CNTNAP2: variants seen among roughly 807,000 people sequenced by gnomAD.
CNTNAP2 encodes the protein contactin-associated protein-like 2.
A neutral mutation model predicts 155.2 loss-of-function variants in CNTNAP2; 98 were observed. The observed-to-expected ratio is 0.63, with a 90% CI of 0.54 to 0.75. The LOEUF is 0.75. Ranked by LOEUF, CNTNAP2 falls within the 30% of genes least tolerant of loss-of-function variation. CNTNAP2 has a pLI of 0.00. For missense variants in CNTNAP2, 1,727 were observed against 1,688.1 expected (o/e 1.02, Z -0.40); for synonymous variants, 651 against 631.2 (o/e 1.03, Z -0.47).
chr7:147,773,814 T>C (rs999911191), intron 13 of CNTNAP2, among the ~76,000 whole-genome samples: 1 of 152,156 alleles, frequency 6.6e-6, no homozygotes, highest in African/African-American at 2.4e-5. Context: ...TCCTAATAGC[T>C]TCCCATTACA....
chr7:147,735,276 T>C (rs1355175478), intron 13 of CNTNAP2, among the ~76,000 whole-genome samples: 1 of 152,252 alleles, frequency 6.6e-6, no homozygotes, highest in Admixed American at 6.5e-5. Context: ...CATTTTATTA[T>C]GTACTTAGTA....
chr7:146,290,085 T>C (rs1800404909), intron 1 of CNTNAP2, among the ~76,000 whole-genome samples: 1 of 152,200 alleles, frequency 6.6e-6, no homozygotes, highest in East Asian at 1.9e-4. Context: ...ATTACATATG[T>C]AACCTAGGTT....
chr7:148,364,929 C>T (rs189593215), intron 21 of CNTNAP2, among the ~76,000 whole-genome samples: 2 of 152,334 alleles, frequency 1.3e-5, no homozygotes, highest in Non-Finnish European at 1.5e-5. Context: ...CCGCGAAGGT[C>T]TGCAGCTTCA....
intron 3 of CNTNAP2, among the ~76,000 whole-genome samples, chr7:147,010,473 A>C (rs1798604037): frequency 6.6e-6 from 1 of 152,110 alleles, no homozygotes. Flanking sequence ...TATGAATCTA[A>C]AATATCTATT....
At chr7:146,629,065 A>G (rs347217) in intron 1 of CNTNAP2, among the ~76,000 whole-genome samples, 100,397 of 151,994 alleles carry the variant, frequency 0.66, 34,832 homozygotes, top group African/African-American at 0.84. Flanking sequence ...TTTAGGTCAC[A>G]ATACATGCTT....
intron 15 of CNTNAP2, among the ~76,000 whole-genome samples, chr7:148,107,533 A>G (rs1318589994): frequency 6.6e-6 from 1 of 152,226 alleles, no homozygotes; most frequent in Admixed American, 6.5e-5. Flanking sequence ...CTTCATTCTA[A>G]GTGAAGCTTG....
At position 147,057,010 on chromosome 7, in the gene CNTNAP2, C is replaced by T. The variant is rs957292918; in HGVS notation, c.550+12956C>T. Among the ~76,000 whole-genome samples the T allele has an allele frequency of 4.0e-5, 6 of 151,816 alleles. No individual in the cohort carries two copies. The South Asian group carries it at 8.3e-4, about 21-fold the overall frequency. On this transcript the variant is annotated intron_variant, in intron 4 of 23. Coordinates refer to ENST00000361727, the MANE Select transcript of CNTNAP2 (RefSeq NM_014141.6). Reference sequence around the variant, plus strand: ...TTTGTTTGTTTGTTTGTTTTCCCCACGTTGGTTTTAGACTCCTGGGCTTAA... The same window carrying T: ...TTTGTTTGTTTGTTTGTTTTCCCCATGTTGGTTTTAGACTCCTGGGCTTAA...
intron 13 of CNTNAP2, among the ~76,000 whole-genome samples, chr7:147,834,146 G>A (rs1004890096): frequency 2.0e-5 from 3 of 152,126 alleles, no homozygotes; most frequent in African/African-American, 7.2e-5. Flanking sequence ...CCTGTAACAG[G>A]GAACAATACA....
chr7:148,363,653 C>T lies in CNTNAP2; in HGVS notation c.3476-19996C>T, dbSNP rs528200232. ...GTTCCTTTTGAGAGGTGACAGCGTG[C>T]TGGCAGTCCTCAGAGCCCTCGCTTG... is the stretch of plus-strand genomic sequence containing the variant. On this transcript the variant is annotated intron_variant, in intron 21 of 23. Transcript: ENST00000361727. 3.7e-4 allele frequency among the ~76,000 whole-genome samples: 56 copies of T among 152,298 alleles called. 1 individual carries two copies. In the South Asian group the frequency reaches 4.4e-3, roughly 12 times the overall value.
intron 12 of CNTNAP2, among the ~76,000 whole-genome samples, chr7:147,614,691 A>C (rs1801248275): frequency 6.6e-6 from 1 of 151,774 alleles, no homozygotes. Context: ...AGTGATTATA[A>C]GCATTTCTCT....
intron 2 of CNTNAP2, among the ~76,000 whole-genome samples, chr7:146,814,065 T>G (rs1300221392): frequency 2.6e-5 from 4 of 152,164 alleles, no homozygotes; most frequent in Non-Finnish European, 5.9e-5. Flanking sequence ...TTTTATTAAT[T>G]ACCCAGTCTC....
At chr7:146,544,898 A>G (rs1798007268) in intron 1 of CNTNAP2, among the ~76,000 whole-genome samples, 3 of 151,972 alleles carry the variant, frequency 2.0e-5, no homozygotes, top group Non-Finnish European at 4.4e-5. Context: ...AGGAGGGAGT[A>G]GTATATACTA....
chr7:146,330,039 T>TTTTTTTTTA (rs1801158018), intron 1 of CNTNAP2, among the ~76,000 whole-genome samples: 1 of 143,854 alleles, frequency 7.0e-6, no homozygotes, highest in Admixed American at 6.9e-5. Flanking sequence ...TTTTTTTTTT[T>TTTTTTTTTA]GAGACAGAGT....
intron 3 of CNTNAP2, among the ~76,000 whole-genome samples, chr7:146,953,187 G>C (rs796133037): frequency 2.0e-5 from 3 of 152,036 alleles, no homozygotes; most frequent in African/African-American, 7.2e-5. Flanking sequence ...TGGAGAAAAA[G>C]AGCCATATAA....
intron 10 of CNTNAP2, among the ~76,000 whole-genome samples, chr7:147,479,104 T>A (rs1798374649): frequency 6.6e-6 from 1 of 152,202 alleles, no homozygotes. Flanking sequence ...ATTTATTACT[T>A]CACAACCACA....
At chr7:148,320,237 G>A (rs1797765841) in intron 21 of CNTNAP2, among the ~76,000 whole-genome samples, 1 of 152,056 alleles carries the variant, frequency 6.6e-6, no homozygotes, top group African/African-American at 2.4e-5. Flanking sequence ...GTCAGATCTT[G>A]CAGAATATGT....
intron 10 of CNTNAP2, among the ~76,000 whole-genome samples, chr7:147,438,801 G>C (rs1585816): frequency 6.6e-6 from 1 of 151,688 alleles, no homozygotes. Flanking sequence ...GAATTTATTT[G>C]TGGTTCAATC....
intron 10 of CNTNAP2, among the ~76,000 whole-genome samples, chr7:147,465,016 T>G (rs1180028622): frequency 6.6e-6 from 1 of 152,182 alleles, no homozygotes; most frequent in Non-Finnish European, 1.5e-5. Flanking sequence ...GCAACATGGA[T>G]GCAGCTGGAA....
intron 17 of CNTNAP2, among the ~76,000 whole-genome samples, chr7:148,168,993 A>T (rs1805725829): frequency 1.3e-5 from 2 of 152,336 alleles, no homozygotes; most frequent in African/African-American, 4.8e-5. Flanking sequence ...GACTACAAAA[A>T]CATGCAAAAC....
Sources: gnomAD v4.1 joint callset for allele counts (sites outside exome capture counted in the v4.1 genomes callset) on GRCh38, gnomAD v4.1.1 for gene constraint, MANE v1.5 for transcripts, NCBI Gene and HGNC (gene_info 2026-07-23, HGNC 2026-07-21) for gene names.